Variants in PTGER1 observed in about 807,000 individuals in gnomAD.
PTGER1 encodes prostaglandin E2 receptor EP1 subtype.
Under a neutral mutation model 18.5 loss-of-function variants are expected in PTGER1, and 15 were observed. The ratio of observed to expected loss-of-function variants is 0.81; its 90% confidence interval spans 0.54 to 1.25. The LOEUF is 1.25. PTGER1 is among the 50% of genes most tolerant of loss of function. The pLI, the probability that PTGER1 is intolerant of heterozygous loss-of-function variation, is 0.00. For missense variants in PTGER1, 567 were observed against 603.4 expected, an observed-to-expected ratio of 0.94 and a Z score of 0.63; for synonymous variants, 339 against 308.4, an observed-to-expected ratio of 1.10 and a Z score of -1.04.
In PTGER1 at chr19:14,474,294, C is replaced by G; in HGVS notation, c.27G>C (p.Leu9=). MSPCGPLN[L]SLAGEATTCA... ...ATGTGGTCGCCTCGCCCGCCAGGCTCAGGTTGAGGGGCCCGCAAGGGCTCA... is the reference window on the plus strand; with the variant it reads ...ATGTGGTCGCCTCGCCCGCCAGGCTGAGGTTGAGGGGCCCGCAAGGGCTCA... Residue 9 remains leucine (L), a synonymous_variant, in exon 2 of 3, where the codon CTG becomes CTC. Transcript: ENST00000292513. This position sits in a 1 kb window ranked among gnomAD's most constrained non-coding sequence, Gnocchi z 5.4. 1 of 1,530,572 alleles carries G rather than the reference C, an allele frequency of 6.5e-7. No homozygotes were observed. The highest frequency in any genetic ancestry group is 2.5e-5 in the East Asian group (1 of 40,362). The allele number at this position is 1,530,572 out of a possible 1,614,324, so 94.8% of individuals were successfully genotyped here.
In PTGER1 at chr19:14,474,169, A is replaced by C. The variant is rs1187653672; in HGVS notation, c.152T>G (p.Leu51Arg). The C allele has an allele frequency of 1.3e-6, 2 of 1,486,836 alleles. No individual in the cohort carries two copies. The highest frequency in any genetic ancestry group is 8.9e-7 in the Non-Finnish European group (1 of 1,126,774). The allele number at this position is 1,486,836 out of a possible 1,614,324, so 92.1% of individuals were successfully genotyped here. The change falls in exon 2 of 3, where the codon CTG becomes CGG. Residue 51 changes from leucine to arginine, a missense_variant. Coordinates refer to ENST00000292513, the MANE Select transcript of PTGER1 (RefSeq NM_000955.3). The surrounding 1 kb of genome is among the most constrained non-coding windows in gnomAD (Gnocchi z 5.4). ...CTGCGCCAGCAGCGCCAGCGCCAGC[A>C]GGTTGGACACGGCGCCCAGCGTCAT... ...FSMTLGAVSN[L>R]LALALLAQAA...
At chr19:14,475,096 G>A (rs1021210116) in intron 1 of PTGER1, among the ~76,000 whole-genome samples, 166 bp downstream of exon 1, 1 of 152,236 alleles carries the variant, frequency 6.6e-6, no homozygotes, top group African/African-American at 2.4e-5. Context: ...GGGCGGAACT[G>A]CCCACCAGGC....
In PTGER1 at chr19:14,473,021, G is replaced by C. The variant is rs1042750454; in HGVS notation, c.943-195C>G. On this transcript the variant is annotated intron_variant, in intron 2 of 2. Coordinates refer to ENST00000292513, the MANE Select transcript of PTGER1 (RefSeq NM_000955.3). The surrounding 1 kb of genome is among the most constrained non-coding windows in gnomAD (Gnocchi z 7.1). ...GAAACAAACACCTTCAGTGGGTGGGGGTCCGGCCGTAGAGGAGTCTCAGGT... is the reference window on the plus strand; with the variant it reads ...GAAACAAACACCTTCAGTGGGTGGGCGTCCGGCCGTAGAGGAGTCTCAGGT... Among the ~76,000 whole-genome samples, 1 of 152,080 alleles carries C rather than the reference G, an allele frequency of 6.6e-6. No individual in the cohort carries two copies. The highest frequency in any genetic ancestry group is 2.4e-5 in the African/African-American group (1 of 41,414).
Position 14,473,909 on chromosome 19 carries a change from C to T in PTGER1, c.412G>A (p.Gly138Ser). 7.2e-7 allele frequency: 1 copy of T among 1,389,752 alleles called. No individual in the cohort carries two copies. The highest frequency in any genetic ancestry group is 1.5e-5 in the South Asian group (1 of 66,360). The allele number at this position is 1,389,752 out of a possible 1,614,324, so 86.1% of individuals were successfully genotyped here. A position where few individuals can be genotyped will look rare whatever the true frequency, so the allele number is the denominator to read the frequency against. The change falls in exon 2 of 3, where the codon GGC (glycine) becomes AGC (serine). Residue 138 changes from glycine (G) to serine (S), a missense_variant. Physicochemically the swap from Gly to Ser is moderately conservative, Grantham distance 56 (BLOSUM62 0). Transcript: ENST00000292513. The surrounding 1 kb of genome is among the most constrained non-coding windows in gnomAD (Gnocchi z 7.1). Reference sequence around the variant, plus strand: ...GCGTGGAGCAGCGGCCGCGTGACGCCCACGCAGCGCTCCACGGCCATGCCA... The same window carrying T: ...GCGTGGAGCAGCGGCCGCGTGACGCTCACGCAGCGCTCCACGGCCATGCCA... ...GCGMAVERCV[G>S]VTRPLLHAAR...
At position 14,473,297 on chromosome 19, in the gene PTGER1, G is replaced by T. The variant is rs2071583025; in HGVS notation, c.942+82C>A. The stretch of plus-strand genomic sequence containing the variant: ...GTTGAGTCCAGGATGGAGGCCCCAG[G>T]TGTCCTGGGACGACAAAGGGCGGGA... On this transcript the variant is annotated intron_variant, in intron 2 of 2. Transcript: ENST00000292513. This position sits in a 1 kb window ranked among gnomAD's most constrained non-coding sequence, Gnocchi z 7.1. 1.3e-6 allele frequency: 2 copies of T among 1,525,320 alleles called. No homozygotes were observed. The highest frequency in any genetic ancestry group is 1.8e-6 in the Non-Finnish European group (2 of 1,141,518). 94.5% of individuals were successfully genotyped at this position (1,525,320 alleles called of 1,614,324 possible). A position where few individuals can be genotyped will look rare whatever the true frequency, so the allele number is the denominator to read the frequency against.
In PTGER1 at chr19:14,473,477, T is replaced by TGCTCCGAGAGCCGCC. The variant is rs778860620; in HGVS notation, c.829_843dup (p.Gly277_Ser281dup). 6.3e-7 allele frequency: 1 copy of TGCTCCGAGAGCCGCC among 1,589,630 alleles called. No homozygotes were observed. Among genetic ancestry groups the TGCTCCGAGAGCCGCC allele is most frequent in the African/African-American group, 1.3e-5 (1 of 74,474 alleles). The stretch of plus-strand genomic sequence containing the variant: ...GCGCGAGCTCTGCGTGCCGAGCCGC[T>TGCTCCGAGAGCCGCC]GCTCCGAGAGCCGCCAAAGAAGGTG... On this transcript the variant is annotated inframe_insertion, in exon 2 of 3. Coordinates refer to ENST00000292513, the MANE Select transcript of PTGER1 (RefSeq NM_000955.3). The surrounding 1 kb of genome is among the most constrained non-coding windows in gnomAD (Gnocchi z 7.1).
chr19:14,472,567 T>C lies in PTGER1; in HGVS notation c.1202A>G (p.His401Arg). ...TTGGGCCTCTGGTTGTGCTTAGAAG[T>C]GGCTGAGGCCGCTGTGCCGGGAGCT... ...LRSSRHSGLS[H>R]F The change falls in exon 3 of 3, where the codon CAC becomes CGC. Residue 401 changes from histidine to arginine, a missense_variant. Transcript: ENST00000292513. 1.9e-6 allele frequency: 3 copies of C among 1,577,290 alleles called. No homozygotes were observed. Among genetic ancestry groups the C allele is most frequent in the South Asian group, 2.3e-5 (2 of 87,006 alleles).
Position 14,474,154 on chromosome 19 carries a change from AGCGCCAGCGCCAGCAG to A in PTGER1, c.151_166del (p.Leu51CysfsTer34). Reference sequence around the variant, plus strand: ...CAGGCGGCCCGCGGCCTGCGCCAGCAGCGCCAGCGCCAGCAGGTTGGACACGGCGCCCAGCGTCATG... The same window carrying A: ...CAGGCGGCCCGCGGCCTGCGCCAGCAGTTGGACACGGCGCCCAGCGTCATG... On this transcript the variant is annotated frameshift_variant, in exon 2 of 3. Transcript: ENST00000292513. LOFTEE classifies it high-confidence loss of function. The surrounding 1 kb of genome is among the most constrained non-coding windows in gnomAD (Gnocchi z 5.4). 1 of 1,453,790 alleles carries A rather than the reference AGCGCCAGCGCCAGCAG, an allele frequency of 6.9e-7. No homozygotes were observed. The highest frequency in any genetic ancestry group is 1.3e-5 in the South Asian group (1 of 74,596). The allele number at this position is 1,453,790 out of a possible 1,614,324, so 90.1% of individuals were successfully genotyped here.
Position 14,473,875 on chromosome 19 carries a change from A to G in PTGER1, c.446T>C (p.Val149Ala), listed in dbSNP as rs1202832631. 2.4e-6 allele frequency: 3 copies of G among 1,259,162 alleles called. No individual in the cohort carries two copies. The highest frequency in any genetic ancestry group is 2.7e-5 in the South Asian group (1 of 36,822). 78.0% of individuals were successfully genotyped at this position (1,259,162 alleles called of 1,614,324 possible). The change falls in exon 2 of 3, where the codon GTC becomes GCC. Residue 149 changes from valine to alanine, a missense_variant. Coordinates refer to ENST00000292513, the MANE Select transcript of PTGER1 (RefSeq NM_000955.3). This position sits in a 1 kb window ranked among gnomAD's most constrained non-coding sequence, Gnocchi z 7.1. ...VTRPLLHAAR[V>A]SVARARLALA... is the part of the protein sequence containing the mutation. ...CGCCAGGCGCGCGCGGGCGACCGAG[A>G]CCCGCGCGGCGTGGAGCAGCGGCCG...
rs1238499516 is a variant in PTGER1 at position 14,472,801 on chromosome 19, C to T, written c.968G>A (p.Gly323Asp). Residue 323 changes from glycine to aspartate, a missense_variant, in exon 3 of 3, where the codon GGC (glycine) becomes GAC (aspartate). Gly to Asp is a moderately conservative substitution (Grantham distance 94). Coordinates refer to ENST00000292513, the MANE Select transcript of PTGER1 (RefSeq NM_000955.3). ...MLVLVALAVG[G>D]WSSTSLQRPL... The stretch of plus-strand genomic sequence containing the variant: ...CCGCTGCAGGGAGGTAGAGCTCCAG[C>T]CGCCGACGGCCAGCGCCACCAACAC... 1.3e-6 allele frequency: 2 copies of T among 1,558,528 alleles called. No individual in the cohort carries two copies. The highest frequency in any genetic ancestry group is 1.9e-5 in the Admixed American group (1 of 51,638).
chr19:14,472,906 G>C, intron 2 of PTGER1, 80 bp from the exon 3 acceptor site: 1 of 1,405,220 alleles, frequency 7.1e-7, no homozygotes, highest in Non-Finnish European at 9.5e-7. Context: ...TGGCTGGAAG[G>C]TAAAAGCCTG....
intron 2 of PTGER1, 35 bp from the exon 3 acceptor site, chr19:14,472,861 C>G (rs529281879): frequency 2.6e-6 from 4 of 1,520,694 alleles, no homozygotes; most frequent in African/African-American, 2.8e-5. Flanking sequence ...ATAGAGCAGG[C>G]GCGGGCGCAG....
At position 14,473,770 on chromosome 19, in the gene PTGER1, G is replaced by A; in HGVS notation, c.551C>T (p.Pro184Leu). The A allele has an allele frequency of 4.1e-6, 6 of 1,455,600 alleles. No individual in the cohort carries two copies. The highest frequency in any genetic ancestry group is 4.5e-6 in the Non-Finnish European group (5 of 1,108,714). The allele number at this position is 1,455,600 out of a possible 1,614,324, so 90.2% of individuals were successfully genotyped here. ...CAGGCCGATGAAGCACCACGTGCCC[G>A]GGTACTGCAGCTCATAGCGGCCCAC... Reference protein sequence around the residue: ...ARVGRYELQYPGTWCFIGLGP... With the variant: ...ARVGRYELQYLGTWCFIGLGP... Residue 184 changes from proline to leucine, a missense_variant, in exon 2 of 3, where the codon CCG (proline) becomes CTG (leucine). By Grantham distance (98) the Pro-to-Leu change is moderately conservative. Coordinates refer to ENST00000292513, the MANE Select transcript of PTGER1 (RefSeq NM_000955.3). The surrounding 1 kb of genome is among the most constrained non-coding windows in gnomAD (Gnocchi z 7.1).
At position 14,474,381 on chromosome 19, in the gene PTGER1, G is replaced by A; in HGVS notation, c.-17-44C>T. On this transcript the variant is annotated intron_variant, in intron 1 of 2. Coordinates refer to ENST00000292513, the MANE Select transcript of PTGER1 (RefSeq NM_000955.3). The surrounding 1 kb of genome is among the most constrained non-coding windows in gnomAD (Gnocchi z 5.4). Reference sequence around the variant, plus strand: ...GGCAGAGTGAGGCTGGCTGGGCCCGGGCGGGGACCAGCCCACGGTGCCATC... The same window carrying A: ...GGCAGAGTGAGGCTGGCTGGGCCCGAGCGGGGACCAGCCCACGGTGCCATC... 1 of 1,435,198 alleles carries A rather than the reference G, an allele frequency of 7.0e-7. No individual in the cohort carries two copies. The allele number at this position is 1,435,198 out of a possible 1,614,324, so 88.9% of individuals were successfully genotyped here. A position where few individuals can be genotyped will look rare whatever the true frequency, so the allele number is the denominator to read the frequency against.
In PTGER1 at chr19:14,472,675, AG is replaced by A. The variant is rs755626438; in HGVS notation, c.1093del (p.Leu365SerfsTer17). 465 of 1,611,330 alleles carry A rather than the reference AG, an allele frequency of 2.9e-4. 4 individuals carry two copies. The highest frequency in any genetic ancestry group is 2.2e-4 in the Admixed American group (13 of 59,720). On this transcript the variant is annotated frameshift_variant, in exon 3 of 3. Transcript: ENST00000292513. LOFTEE classifies it low-confidence loss of function (END_TRUNC). ...CTTGGCTCCGGCCCTCGGGGGCAAG[AG>A]GCGAAGCAGTTGGCGCAGCACGGCC... ...RQAVLRQLLR[L>X]LPPRAGAKGG... is the part of the protein sequence containing the mutation.
rs575723032 is a variant in PTGER1 at position 14,472,690 on chromosome 19, C to T, written c.1079G>A (p.Arg360His). Reference protein sequence around the residue: ...VYILLRQAVLRQLLRLLPPRA... With the variant: ...VYILLRQAVLHQLLRLLPPRA... ...CGGGGGCAAGAGGCGAAGCAGTTGG[C>T]GCAGCACGGCCTGGCGCAGTAGGAT... Residue 360 changes from arginine to histidine, a missense_variant, in exon 3 of 3, where the codon CGC becomes CAC. Coordinates refer to ENST00000292513, the MANE Select transcript of PTGER1 (RefSeq NM_000955.3). The T allele has an allele frequency of 3.7e-6, 6 of 1,611,724 alleles. No individual in the cohort carries two copies. Among genetic ancestry groups the T allele is most frequent in the South Asian group, 3.3e-5 (3 of 90,874 alleles).
rs1182469348 is a variant in PTGER1, at chr19:14,473,527, G to T, written c.794C>A (p.Ser265Tyr). 1.6e-5 allele frequency: 25 copies of T among 1,561,344 alleles called. No individual in the cohort carries two copies. The highest frequency in any genetic ancestry group is 2.1e-5 in the Non-Finnish European group (24 of 1,158,690). Residue 265 changes from serine to tyrosine, a missense_variant, in exon 2 of 3, where the codon TCC (serine) becomes TAC (tyrosine). Coordinates refer to ENST00000292513, the MANE Select transcript of PTGER1 (RefSeq NM_000955.3). The surrounding 1 kb of genome is among the most constrained non-coding windows in gnomAD (Gnocchi z 7.1). Reference sequence around the variant, plus strand: ...GGAGGCCGAAGCGATGGACGAGGCGGACGAGGCGGAGGCCGAGCGGGGTCC... The same window carrying T: ...GGAGGCCGAAGCGATGGACGAGGCGTACGAGGCGGAGGCCGAGCGGGGTCC... ...AHGPRSASAS[S>Y]ASSIASASTF... is the part of the protein sequence containing the mutation.
At position 14,474,004 on chromosome 19, in the gene PTGER1, G is replaced by A; in HGVS notation, c.317C>T (p.Ala106Val). 1 of 1,500,666 alleles carries A rather than the reference G, an allele frequency of 6.7e-7. No homozygotes were observed. 93.0% of individuals were successfully genotyped at this position (1,500,666 alleles called of 1,614,324 possible). ...LRLYTAGRAP[A>V]GGACHFLGGC... ...GCCCAGGAAGTGGCAGGCCCCGCCG[G>A]CCGGAGCGCGCCCCGCAGTGTACAG... is the stretch of plus-strand genomic sequence containing the variant. The change falls in exon 2 of 3, where the codon GCC becomes GTC. Residue 106 changes from alanine (A) to valine (V), a missense_variant. By Grantham distance (64) the Ala-to-Val change is moderately conservative (BLOSUM62 0). Coordinates refer to ENST00000292513, the MANE Select transcript of PTGER1 (RefSeq NM_000955.3). The surrounding 1 kb of genome is among the most constrained non-coding windows in gnomAD (Gnocchi z 5.4).
chr19:14,472,487 C>G lies in PTGER1; in HGVS notation c.*73G>C. On this transcript the variant is annotated 3_prime_UTR_variant, in exon 3 of 3. Coordinates refer to ENST00000292513, the MANE Select transcript of PTGER1 (RefSeq NM_000955.3). ...GGGCTCGCAGAATGGCTTTTTATTC[C>G]CAAAGGCTCTGCGCCGCGCACCTGG... 6.9e-7 allele frequency: 1 copy of G among 1,450,024 alleles called. No homozygotes were observed. Among genetic ancestry groups the G allele is most frequent in the Non-Finnish European group, 9.0e-7 (1 of 1,106,932 alleles). The allele number at this position is 1,450,024 out of a possible 1,614,324, so 89.8% of individuals were successfully genotyped here.
Sources: allele counts gnomAD v4.1 joint callset (sites outside exome capture counted in the v4.1 genomes callset), GRCh38; gene constraint gnomAD v4.1.1; non-coding constraint Gnocchi (gnomAD v3.1); transcripts MANE v1.5; gene names NCBI Gene and HGNC (gene_info 2026-07-23, HGNC 2026-07-21).